Variants in BTBD2 observed in about 807,000 individuals in gnomAD.
BTBD2 encodes BTB/POZ domain-containing protein 2.
In BTBD2, 15 loss-of-function variants were observed where a neutral mutation model predicts 44.0. The observed-to-expected ratio is 0.34, with a 90% CI of 0.23 to 0.53. The LOEUF is 0.53. BTBD2 is among the 20% of genes least tolerant of loss of function. BTBD2 has a pLI of 0.95. For missense variants in BTBD2, 657 were observed against 746.4 expected (o/e 0.88, Z 1.39); for synonymous variants, 443 against 335.9 (o/e 1.32, Z -3.49).
chr19:2,012,380 G>A (rs1460118380), intron 1 of BTBD2, among the ~76,000 whole-genome samples: 4 of 151,558 alleles, frequency 2.6e-5, no homozygotes, highest in South Asian at 2.1e-4. Flanking sequence ...TCGATCTCCC[G>A]ACCTCGTGAT....
At position 1,990,830 on chromosome 19, in the gene BTBD2, G is replaced by C; in HGVS notation, c.685-8C>G. ...TTCATCGAAGAGTCGCGCCTGGCAA[G>C]AGACATCGACGGGGGGCGCGGTGGG... On this transcript the variant is annotated splice_polypyrimidine_tract_variant and splice_region_variant and intron_variant, in intron 3 of 8. Transcript: ENST00000255608. The C allele has an allele frequency of 6.4e-7, 1 of 1,552,132 alleles. No individual in the cohort carries two copies. Among genetic ancestry groups the C allele is most frequent in the Non-Finnish European group, 8.7e-7 (1 of 1,151,520 alleles).
At chr19:1,999,698 C>G (rs993362780) in intron 1 of BTBD2, among the ~76,000 whole-genome samples, 1 of 151,332 alleles carries the variant, frequency 6.6e-6, no homozygotes, top group South Asian at 2.1e-4. Context: ...CAGTGGCTCA[C>G]GCCTGTAATC....
chr19:1,987,237 G>T lies in BTBD2; in HGVS notation c.1198C>A (p.Arg400Ser). The T allele has an allele frequency of 1.2e-6, 2 of 1,613,788 alleles. No homozygotes were observed. Among genetic ancestry groups the T allele is most frequent in the South Asian group, 1.1e-5 (1 of 91,088 alleles). ...SDRIRFSVNK[R>S]IFVVGFGLYG... ...AGCCCAAATCCCACCACGAAGATGC[G>T]CTTGTTGACTGAGAACCTGCCGTGG... Residue 400 changes from arginine to serine, a missense_variant, in exon 7 of 9, where the codon CGC (arginine) becomes AGC (serine). By Grantham distance (110) the Arg-to-Ser change is moderately radical. Coordinates refer to ENST00000255608, the MANE Select transcript of BTBD2 (RefSeq NM_017797.4).
chr19:2,004,933 C>T (rs1050061815), intron 1 of BTBD2, among the ~76,000 whole-genome samples: 4 of 151,888 alleles, frequency 2.6e-5, no homozygotes, highest in Non-Finnish European at 5.9e-5. Flanking sequence ...GATTCTCCTG[C>T]CTCAGCCTCC....
chr19:2,015,211 A>G, intron 1 of BTBD2, 86 bp downstream of exon 1: 1 of 1,409,726 alleles, frequency 7.1e-7, no homozygotes, highest in African/African-American at 1.5e-5. Context: ...GGTCTCGGGG[A>G]CAGAGGGGTG....
intron 1 of BTBD2, among the ~76,000 whole-genome samples, chr19:2,014,831 T>G (rs2016511970): frequency 7.2e-6 from 1 of 139,610 alleles, no homozygotes; most frequent in Non-Finnish European, 1.5e-5. Flanking sequence ...GGGCCTGGGA[T>G]CCCGGGGAAC....
chr19:2,011,971 C>G (rs2016470572), intron 1 of BTBD2, among the ~76,000 whole-genome samples: 1 of 152,098 alleles, frequency 6.6e-6, no homozygotes, highest in Non-Finnish European at 1.5e-5. Flanking sequence ...TCTCCTGCCT[C>G]AGCCTCCCAA....
At position 2,015,409 on chromosome 19, in the gene BTBD2, T is replaced by C. The variant is rs368057952; in HGVS notation, c.295A>G (p.Ser99Gly). ...QREAAYNWQASKPTVQERFAF... is the reference protein window; with the variant it reads ...QREAAYNWQAGKPTVQERFAF... ...AAGCGCTCCTGCACGGTGGGCTTGC[T>C]GGCCTGCCAGTTGTACGCGGCCTCG... The change falls in exon 1 of 9, where the codon AGC becomes GGC. Residue 99 changes from serine to glycine, a missense_variant. Transcript: ENST00000255608. 71 of 1,547,816 alleles carry C rather than the reference T, an allele frequency of 4.6e-5. No individual in the cohort carries two copies. Among genetic ancestry groups the C allele is most frequent in the Non-Finnish European group, 5.8e-5 (67 of 1,155,756 alleles).
chr19:1,990,502 C>G (rs1234674774), intron 4 of BTBD2: 1 of 613,406 alleles, frequency 1.6e-6, no homozygotes, highest in Non-Finnish European at 2.9e-6. Flanking sequence ...TGGTCACCAT[C>G]AGCTGGGATG....
At chr19:1,986,803 G>A (rs1396796036) in intron 8 of BTBD2, 27 bp downstream of exon 8, 2 of 1,589,406 alleles carry the variant, frequency 1.3e-6, no homozygotes, top group South Asian at 1.1e-5. Flanking sequence ...GACTCCCACG[G>A]AGGGACCCCT....
intron 5 of BTBD2, 51 bp from the exon 6 acceptor site, chr19:1,987,743 C>A: frequency 6.6e-7 from 1 of 1,511,766 alleles, no homozygotes; most frequent in South Asian, 1.3e-5. Context: ...CCCAGGATCC[C>A]GAGTGCCTGG....
intron 3 of BTBD2, 94 bp downstream of exon 3, chr19:1,992,921 CCCCGG>C: frequency 3.0e-6 from 3 of 996,220 alleles, no homozygotes; most frequent in Non-Finnish European, 3.9e-6. Flanking sequence ...CCGGGCCCGC[CCCCGG>C]CCCCGCCTCC....
At chr19:2,006,446 G>A (rs1436541151) in intron 1 of BTBD2, among the ~76,000 whole-genome samples, 1 of 150,926 alleles carries the variant, frequency 6.6e-6, no homozygotes, top group Admixed American at 6.6e-5. Flanking sequence ...AGCGGAGCTT[G>A]CAGTGAGCTG....
Position 2,004,231 on chromosome 19 carries a change from G to A in BTBD2, c.408-6768C>T, listed in dbSNP as rs60240851. ...GCCCCACCCACCCTGGGAACATACC[G>A]TCAGGACCTCCTGAGGCTGTGTCAC... On this transcript the variant is annotated intron_variant, in intron 1 of 8. Coordinates refer to ENST00000255608, the MANE Select transcript of BTBD2 (RefSeq NM_017797.4). 3.5e-3 allele frequency among the ~76,000 whole-genome samples: 525 copies of A among 151,312 alleles called. 5 individuals are homozygous for A. The East Asian group carries it at 0.045, about 13-fold the overall frequency.
At chr19:1,987,447 C>A in intron 6 of BTBD2, 53 bp downstream of exon 6, 1 of 1,449,252 alleles carries the variant, frequency 6.9e-7, no homozygotes. Flanking sequence ...TCCGTCATCC[C>A]CGAGTCCTCC....
chr19:1,986,801 C>A (rs984202778), intron 8 of BTBD2, 29 bp downstream of exon 8: 5 of 1,585,596 alleles, frequency 3.2e-6, no homozygotes, highest in South Asian at 1.1e-5. Flanking sequence ...GAGACTCCCA[C>A]GGAGGGACCC....
chr19:1,996,908 C>T (rs1039564670), intron 2 of BTBD2, among the ~76,000 whole-genome samples: 14 of 151,454 alleles, frequency 9.2e-5, no homozygotes, highest in Non-Finnish European at 1.5e-4. Flanking sequence ...CTGGGCTGGG[C>T]GCGGTGGCTC....
At chr19:2,009,825 G>A (rs1354387573) in intron 1 of BTBD2, among the ~76,000 whole-genome samples, 1 of 151,648 alleles carries the variant, frequency 6.6e-6, no homozygotes, top group East Asian at 2.0e-4. Flanking sequence ...ACCCCAGCCT[G>A]GGCAATAGAG....
chr19:1,987,336 G>T (rs1349613889), intron 6 of BTBD2, 83 bp from the exon 7 acceptor site: 227 of 1,522,436 alleles, frequency 1.5e-4, no homozygotes, highest in Non-Finnish European at 2.0e-4. Flanking sequence ...CCCATGCCCG[G>T]TCCCCTCCAT....
Sources: allele counts gnomAD v4.1 joint callset (sites outside exome capture counted in the v4.1 genomes callset), GRCh38; gene constraint gnomAD v4.1.1; transcripts MANE v1.5; gene names NCBI Gene and HGNC (gene_info 2026-07-23, HGNC 2026-07-21).